Variants in CYP20A1 observed in about 807,000 individuals in gnomAD.
The protein encoded by CYP20A1 is cytochrome P450 family 20 subfamily A member 1, also known as cytochrome P450 20A1.
Under a neutral mutation model 61.4 loss-of-function variants are expected in CYP20A1, and 61 were observed. That is an observed-to-expected ratio of 0.99 (90% CI 0.81 to 1.23). CYP20A1 has a LOEUF of 1.23. Ranked by LOEUF, CYP20A1 falls within the 50% of genes most tolerant of loss-of-function variation. The pLI, the probability that CYP20A1 is intolerant of heterozygous loss-of-function variation, is 0.00. For missense variants in CYP20A1, 530 were observed against 542.4 expected, an observed-to-expected ratio of 0.98 and a Z score of 0.23; for synonymous variants, 193 against 188.2, an observed-to-expected ratio of 1.03 and a Z score of -0.21.
intron 5 of CYP20A1, among the ~76,000 whole-genome samples, chr2:203,270,913 G>A (rs904302590): frequency 4.2e-5 from 6 of 144,360 alleles, no homozygotes; most frequent in Non-Finnish European, 9.1e-5. Context: ...CCATGTTCTC[G>A]AACTCCTTAG....
At chr2:203,283,891 G>C (rs747249959) in intron 8 of CYP20A1, among the ~76,000 whole-genome samples, 1 of 152,094 alleles carries the variant, frequency 6.6e-6, no homozygotes, top group Non-Finnish European at 1.5e-5. Context: ...CAGAGTACAG[G>C]ATTGACCACT....
intron 1 of CYP20A1, among the ~76,000 whole-genome samples, chr2:203,244,883 C>T (rs536057089): frequency 1.6e-4 from 24 of 152,080 alleles, no homozygotes; most frequent in African/African-American, 5.3e-4. Flanking sequence ...CAGGCGCCCG[C>T]CACAACGCCC....
intron 3 of CYP20A1, among the ~76,000 whole-genome samples, chr2:203,250,482 G>A (rs973062853): frequency 6.6e-6 from 1 of 151,834 alleles, no homozygotes; most frequent in African/African-American, 2.4e-5. Context: ...TCTGGTTCAA[G>A]ATTGTGCTTT....
intron 3 of CYP20A1, 126 bp downstream of exon 3, chr2:203,247,047 G>T (rs1001267704): frequency 1.2e-6 from 1 of 863,230 alleles, no homozygotes; most frequent in African/African-American, 1.7e-5. Flanking sequence ...GATCACATGA[G>T]GCCAGGAGTT....
intron 1 of CYP20A1, among the ~76,000 whole-genome samples, chr2:203,243,303 T>C (rs577736078): frequency 3.9e-5 from 6 of 151,900 alleles, no homozygotes. Flanking sequence ...GCCACCACAG[T>C]TGGCTAATTT....
At position 203,301,202 on chromosome 2, in the gene CYP20A1, A is replaced by C. The variant is rs558701747; in HGVS notation, c.*4294A>C. ...GAAGAGTGAAACTCTATCCAAAAAA[A>C]AAAAAAAACCATACGTACATAACTT... On this transcript the variant is annotated 3_prime_UTR_variant, in exon 13 of 13. Transcript: ENST00000356079. Among the ~76,000 whole-genome samples, 13 of 151,036 alleles carry C rather than the reference A, an allele frequency of 8.6e-5. No homozygotes were observed. The highest frequency in any genetic ancestry group is 2.0e-4 in the Admixed American group (3 of 15,110).
At position 203,263,391 on chromosome 2, in the gene CYP20A1, G is replaced by A. The variant is rs561744038; in HGVS notation, c.433-3123G>A. 2.1e-3 allele frequency among the ~76,000 whole-genome samples: 314 copies of A among 151,688 alleles called. 1 individual carries two copies. Among genetic ancestry groups the A allele is most frequent in the African/African-American group, 7.4e-3 (306 of 41,288 alleles). ...TGCAACCTCCAACTCCGTGGTTCAAGTGATTCTCCTGCCTCAGCCTCCCGA... is the reference window on the plus strand; with the variant it reads ...TGCAACCTCCAACTCCGTGGTTCAAATGATTCTCCTGCCTCAGCCTCCCGA... On this transcript the variant is annotated intron_variant, in intron 4 of 12. Coordinates refer to ENST00000356079, the MANE Select transcript of CYP20A1 (RefSeq NM_177538.3).
At chr2:203,276,575 G>A (rs1174266330) in intron 6 of CYP20A1, among the ~76,000 whole-genome samples, 1 of 152,102 alleles carries the variant, frequency 6.6e-6, no homozygotes, top group Admixed American at 6.6e-5. Flanking sequence ...ACCAACACTG[G>A]CTGACAGATT....
At position 203,300,903 on chromosome 2, in the gene CYP20A1, A is replaced by C. The variant is rs1240269546; in HGVS notation, c.*3995A>C. The stretch of plus-strand genomic sequence containing the variant: ...AAACTCCGTCTCAGAAAAAAAAAAA[A>C]AAAAAAAAAACGGCCAGGCGAGGTG... On this transcript the variant is annotated 3_prime_UTR_variant, in exon 13 of 13. Coordinates refer to ENST00000356079, the MANE Select transcript of CYP20A1 (RefSeq NM_177538.3). Among the ~76,000 whole-genome samples the C allele has an allele frequency of 6.3e-4, 94 of 149,176 alleles. No individual in the cohort carries two copies. The highest frequency in any genetic ancestry group is 7.4e-5 in the Non-Finnish European group (5 of 67,336).
chr2:203,284,674 C>T (rs2068190524), intron 8 of CYP20A1, among the ~76,000 whole-genome samples: 1 of 150,464 alleles, frequency 6.6e-6, no homozygotes, highest in African/African-American at 2.5e-5. Context: ...CCTACTGAAC[C>T]AGAATTTGTG....
intron 1 of CYP20A1, among the ~76,000 whole-genome samples, chr2:203,244,820 C>T (rs1461787354): frequency 1.3e-5 from 2 of 151,164 alleles, no homozygotes; most frequent in African/African-American, 2.4e-5. Flanking sequence ...GCAAGCTCCG[C>T]CTCCCAGGTT....
intron 6 of CYP20A1, among the ~76,000 whole-genome samples, chr2:203,273,856 A>G (rs1223840208): frequency 6.6e-6 from 1 of 152,186 alleles, no homozygotes; most frequent in African/African-American, 2.4e-5. Flanking sequence ...CTGAGGCATG[A>G]GAACCGCTTG....
intron 4 of CYP20A1, among the ~76,000 whole-genome samples, chr2:203,255,917 C>T (rs1005153134): frequency 3.3e-5 from 5 of 152,116 alleles, no homozygotes; most frequent in African/African-American, 7.2e-5. Context: ...TCCCCAGGGA[C>T]GCTATCTCTG....
intron 1 of CYP20A1, 74 bp from the exon 2 acceptor site, chr2:203,245,772 C>G: frequency 3.9e-6 from 3 of 772,146 alleles, no homozygotes; most frequent in Non-Finnish European, 6.4e-6. Flanking sequence ...TAAGGTCCTG[C>G]AGATGTGTTG....
chr2:203,255,110 A>C (rs1159569419), intron 4 of CYP20A1, among the ~76,000 whole-genome samples: 2 of 151,968 alleles, frequency 1.3e-5, no homozygotes, highest in Non-Finnish European at 2.9e-5. Context: ...CATTGCCATC[A>C]CCCTGGTTTA....
chr2:203,257,414 C>T (rs1367857979), intron 4 of CYP20A1, among the ~76,000 whole-genome samples: 1 of 151,952 alleles, frequency 6.6e-6, no homozygotes, highest in Non-Finnish European at 1.5e-5. Context: ...GTTCTGACTA[C>T]ACATTGTAAG....
At chr2:203,266,204 T>A (rs1477323783) in intron 4 of CYP20A1, among the ~76,000 whole-genome samples, 1 of 152,146 alleles carries the variant, frequency 6.6e-6, no homozygotes, top group African/African-American at 2.4e-5. Context: ...ATACCAAGAG[T>A]ATGGTCTTTT....
chr2:203,278,362 A>G (rs1042812821), intron 6 of CYP20A1, among the ~76,000 whole-genome samples: 3 of 152,170 alleles, frequency 2.0e-5, no homozygotes, highest in African/African-American at 7.2e-5. Context: ...CTTAAACTGT[A>G]CTTACATGCT....
At chr2:203,254,624 C>T (rs933652972) in intron 4 of CYP20A1, among the ~76,000 whole-genome samples, 2 of 151,816 alleles carry the variant, frequency 1.3e-5, no homozygotes, top group Admixed American at 6.6e-5. Context: ...GATTATACTG[C>T]GTGGATAGTC....
Sources: allele counts gnomAD v4.1 joint callset (sites outside exome capture counted in the v4.1 genomes callset), GRCh38; gene constraint gnomAD v4.1.1; transcripts MANE v1.5; gene names NCBI Gene and HGNC (gene_info 2026-07-23, HGNC 2026-07-21).